The following PARVA variants were observed in gnomAD, a reference collection of about 807,000 sequenced individuals.
PARVA encodes parvin alpha.
In PARVA, 25 loss-of-function variants were observed where a neutral mutation model predicts 52.6. The ratio of observed to expected loss-of-function variants is 0.48; its 90% confidence interval spans 0.35 to 0.66. The LOEUF is 0.66. PARVA is among the 30% of genes least tolerant of loss of function. The pLI, the probability that PARVA is intolerant of heterozygous loss-of-function variation, is 0.01. For synonymous variants in PARVA, 185 were observed against 179.1 expected (o/e 1.03, Z -0.26); for missense variants, 373 against 450.9 (o/e 0.83, Z 1.56).
At chr11:12,377,854 A>G (rs148867477) in intron 1 of PARVA, 71 bp downstream of exon 1, 29,668 of 1,221,028 alleles carry the variant, frequency 0.024, 469 homozygotes, top group African/African-American at 0.079. Context: ...GGGCCGGGGC[A>G]CTGGGACCGG....
At chr11:12,412,448 G>C (rs1400179859) in intron 1 of PARVA, among the ~76,000 whole-genome samples, 1 of 152,192 alleles carries the variant, frequency 6.6e-6, no homozygotes, top group Non-Finnish European at 1.5e-5. Context: ...GGAATGAGGT[G>C]TGAGTATGGA....
At chr11:12,486,346 C>T (rs2403628) in intron 4 of PARVA, among the ~76,000 whole-genome samples, 144,970 of 151,846 alleles carry the variant, frequency 0.95, 69,585 homozygotes, top group East Asian at 1. Context: ...CCAGCCTGAC[C>T]AACATGGAGA....
intron 1 of PARVA, among the ~76,000 whole-genome samples, chr11:12,380,747 T>C (rs903215): frequency 0.98 from 146,271 of 149,866 alleles, 71,490 homozygotes; most frequent in East Asian, 1. Flanking sequence ...AGGACTGTCA[T>C]CTCCCTTATT....
At chr11:12,400,617 TC>T (rs147792110) in intron 1 of PARVA, among the ~76,000 whole-genome samples, 13,138 of 151,772 alleles carry the variant, frequency 0.087, 682 homozygotes, top group African/African-American at 0.14. Context: ...ATGGGACTTT[TC>T]TTGAGTATTT....
intron 5 of PARVA, among the ~76,000 whole-genome samples, chr11:12,498,242 C>G (rs530423482): frequency 3.1e-4 from 47 of 152,166 alleles, no homozygotes; most frequent in Middle Eastern, 6.8e-3. Flanking sequence ...CACCATGTTG[C>G]CCAGGCTGGT....
At chr11:12,482,326 T>C (rs1011512254) in intron 4 of PARVA, among the ~76,000 whole-genome samples, 7 of 151,644 alleles carry the variant, frequency 4.6e-5, no homozygotes, top group Non-Finnish European at 1.0e-4. Flanking sequence ...CAAGGCTGGG[T>C]AATTTAAAAA....
At position 12,473,988 on chromosome 11, in the gene PARVA, G is replaced by C; in HGVS notation, c.297+5G>C. Reference sequence around the variant, plus strand: ...AAGCTTCAAGAACTGATGAAGGTAAGAAGAAATCAGGAGCGGCTTCAGGTG... The same window carrying C: ...AAGCTTCAAGAACTGATGAAGGTAACAAGAAATCAGGAGCGGCTTCAGGTG... On this transcript the variant is annotated splice_donor_5th_base_variant and intron_variant, in intron 3 of 12. Coordinates refer to ENST00000334956, the MANE Select transcript of PARVA (RefSeq NM_018222.5). 1 of 1,568,238 alleles carries C rather than the reference G, an allele frequency of 6.4e-7. No homozygotes were observed. Among genetic ancestry groups the C allele is most frequent in the Non-Finnish European group, 8.6e-7 (1 of 1,156,434 alleles).
chr11:12,441,561 A>G (rs1940467050), intron 1 of PARVA, among the ~76,000 whole-genome samples: 1 of 152,174 alleles, frequency 6.6e-6, no homozygotes, highest in Admixed American at 6.5e-5. Flanking sequence ...GCTATTATGT[A>G]TGTATATTTT....
chr11:12,484,783 T>C (rs935375769), intron 4 of PARVA, among the ~76,000 whole-genome samples: 1 of 149,252 alleles, frequency 6.7e-6, no homozygotes, highest in African/African-American at 2.5e-5. Context: ...AAAGAGGGGG[T>C]ATTTTGGTGT....
At chr11:12,390,068 G>A (rs902708512) in intron 1 of PARVA, among the ~76,000 whole-genome samples, 2 of 152,186 alleles carry the variant, frequency 1.3e-5, no homozygotes, top group African/African-American at 4.8e-5. Context: ...GGATGATGAT[G>A]AACTACCAAG....
intron 1 of PARVA, among the ~76,000 whole-genome samples, chr11:12,467,788 G>C (rs868793966): frequency 5.3e-5 from 8 of 152,182 alleles, no homozygotes; most frequent in Admixed American, 2.6e-4. Context: ...TTCTTTTCTT[G>C]CCCTCTCTCA....
At chr11:12,406,975 C>A (rs1939922155) in intron 1 of PARVA, among the ~76,000 whole-genome samples, 1 of 152,014 alleles carries the variant, frequency 6.6e-6, no homozygotes. Flanking sequence ...TGGCCTGTAT[C>A]TGGTTTTTAT....
chr11:12,381,994 C>T (rs1307230750), intron 1 of PARVA, among the ~76,000 whole-genome samples: 1 of 152,180 alleles, frequency 6.6e-6, no homozygotes, highest in Non-Finnish European at 1.5e-5. Context: ...ATGCGAGAAC[C>T]TCAAGAGATC....
At chr11:12,506,333 GATAA>G (rs1177745985) in intron 6 of PARVA, among the ~76,000 whole-genome samples, 1 of 152,186 alleles carries the variant, frequency 6.6e-6, no homozygotes, top group Non-Finnish European at 1.5e-5. Context: ...CACTAGAGGA[GATAA>G]ATACTTTTAT....
In PARVA at chr11:12,469,302, G is replaced by A. The variant is rs539435975; in HGVS notation, c.137-4443G>A. On this transcript the variant is annotated intron_variant, in intron 1 of 12. Coordinates refer to ENST00000334956, the MANE Select transcript of PARVA (RefSeq NM_018222.5). ...TGGAAACAAAAGCCCCTTTTCTCAC[G>A]GTGAGCACTTCAGGGGTTCAGGCAA... Among the ~76,000 whole-genome samples the A allele has an allele frequency of 3.0e-4, 46 of 152,108 alleles. No homozygotes were observed. In the South Asian group the frequency reaches 6.7e-3, roughly 22 times the overall value.
At chr11:12,461,150 A>G (rs568624478) in intron 1 of PARVA, among the ~76,000 whole-genome samples, 2 of 152,312 alleles carry the variant, frequency 1.3e-5, no homozygotes, top group Non-Finnish European at 1.5e-5. Context: ...TCTGGAAGGC[A>G]GGTCCTTGTC....
intron 1 of PARVA, among the ~76,000 whole-genome samples, chr11:12,394,411 A>T (rs1481468050): frequency 6.6e-6 from 1 of 152,262 alleles, no homozygotes; most frequent in Non-Finnish European, 1.5e-5. Context: ...ATCTGATGAT[A>T]TTAAGGAATC....
At chr11:12,510,802 C>T (rs1374417728) in intron 7 of PARVA, among the ~76,000 whole-genome samples, 1 of 152,090 alleles carries the variant, frequency 6.6e-6, no homozygotes, top group African/African-American at 2.4e-5. Context: ...CCCCTGGGTC[C>T]CTCCCACAAC....
Position 12,533,524 on chromosome 11 carries a change from C to T in PARVA, c.*5599C>T, listed in dbSNP as rs1283431187. Among the ~76,000 whole-genome samples the T allele has an allele frequency of 2.0e-5, 3 of 152,032 alleles. No homozygotes were observed. The highest frequency in any genetic ancestry group is 2.1e-4 in the South Asian group (1 of 4,828). On this transcript the variant is annotated 3_prime_UTR_variant, in exon 13 of 13. Transcript: ENST00000334956. ...GTGAAACAACTTTCATATGAAAGTA[C>T]GGTTGATCCTTGAATGATATGGGCA...
Sources: gnomAD v4.1 joint callset for allele counts (sites outside exome capture counted in the v4.1 genomes callset) on GRCh38, gnomAD v4.1.1 for gene constraint, MANE v1.5 for transcripts, NCBI Gene and HGNC (gene_info 2026-07-23, HGNC 2026-07-21) for gene names.